PTPRT: variants seen among roughly 807,000 people sequenced by gnomAD.
The protein encoded by PTPRT is receptor-type tyrosine-protein phosphatase T.
In PTPRT, 56 loss-of-function variants were observed where a neutral mutation model predicts 176.8. That is an observed-to-expected ratio of 0.32 (90% CI 0.26 to 0.40). The LOEUF (loss-of-function observed/expected upper bound fraction) is 0.40. Ranked by LOEUF, PTPRT falls within the 10% of genes least tolerant of loss-of-function variation. PTPRT has a pLI of 1.00. For missense variants in PTPRT, 1,540 were observed against 1,908.2 expected (o/e 0.81, Z 3.60); for synonymous variants, 783 against 739.0 (o/e 1.06, Z -0.96).
intron 2 of PTPRT, among the ~76,000 whole-genome samples, chr20:42,844,196 A>T (rs2078328208): frequency 6.6e-6 from 1 of 152,236 alleles, no homozygotes; most frequent in South Asian, 2.1e-4. Flanking sequence ...ATGAAGTAGC[A>T]TTGGCGGTCA....
chr20:42,949,571 G>A (rs187828894), intron 1 of PTPRT, among the ~76,000 whole-genome samples: 8 of 152,316 alleles, frequency 5.3e-5, no homozygotes, highest in Non-Finnish European at 1.0e-4. Context: ...GAGCTGGCCA[G>A]CCATTTTTGC....
chr20:43,140,395 A>C (rs2013964222), intron 1 of PTPRT, among the ~76,000 whole-genome samples: 1 of 151,940 alleles, frequency 6.6e-6, no homozygotes, highest in South Asian at 2.1e-4. Context: ...TAAAATTCCT[A>C]GAAATAGAAC....
At chr20:42,204,009 T>C (rs1332919499) in intron 15 of PTPRT, among the ~76,000 whole-genome samples, 1 of 152,226 alleles carries the variant, frequency 6.6e-6, no homozygotes, top group Non-Finnish European at 1.5e-5. Flanking sequence ...AATAAACTTG[T>C]TGCACGAATT....
chr20:42,573,698 C>T (rs1358054122), intron 7 of PTPRT, among the ~76,000 whole-genome samples: 7 of 151,358 alleles, frequency 4.6e-5, no homozygotes, highest in South Asian at 2.1e-4. Flanking sequence ...GATACAACCC[C>T]GTTATCAGCA....
intron 7 of PTPRT, among the ~76,000 whole-genome samples, chr20:42,483,626 G>C (rs1568919854): frequency 6.6e-6 from 1 of 152,206 alleles, no homozygotes; most frequent in East Asian, 1.9e-4. Context: ...TATCCCATAG[G>C]TCCTCCAGTC....
chr20:43,119,360 A>T (rs189953080), intron 1 of PTPRT, among the ~76,000 whole-genome samples: 38 of 152,334 alleles, frequency 2.5e-4, no homozygotes, highest in Admixed American at 2.2e-3. Context: ...TCTGATAAGT[A>T]TGTCTTTAAA....
intron 22 of PTPRT, 61 bp downstream of exon 22, chr20:42,115,138 G>T: frequency 4.0e-6 from 5 of 1,243,794 alleles, no homozygotes; most frequent in Non-Finnish European, 4.7e-6. Context: ...ACATGTTCTG[G>T]ATGAACAAAC....
intron 6 of PTPRT, among the ~76,000 whole-genome samples, chr20:42,702,293 C>T (rs939602312): frequency 6.6e-5 from 10 of 152,086 alleles, no homozygotes; most frequent in African/African-American, 1.9e-4. Flanking sequence ...TGTTGTTGGG[C>T]CCAGAAGGTA....
intron 7 of PTPRT, among the ~76,000 whole-genome samples, chr20:42,631,599 C>T (rs940247706): frequency 6.6e-6 from 1 of 152,148 alleles, no homozygotes; most frequent in Non-Finnish European, 1.5e-5. Flanking sequence ...TGCTGGGGAG[C>T]TCTAAGGCTG....
At chr20:42,782,284 T>A (rs545801688) in intron 3 of PTPRT, among the ~76,000 whole-genome samples, 1 of 152,258 alleles carries the variant, frequency 6.6e-6, no homozygotes, top group East Asian at 1.9e-4. Context: ...TTTCACTGCA[T>A]ACACTCTCCC....
At chr20:42,037,056 G>A in the PTPRT span, among the ~76,000 whole-genome samples, 207 of 152,230 alleles carry the variant, frequency 1.4e-3, 1 homozygote, top group East Asian at 0.038. Context: ...CAGAAGAAAC[G>A]TCTTCTCCAT....
intron 1 of PTPRT, among the ~76,000 whole-genome samples, chr20:42,897,618 C>T (rs559138204): frequency 6.6e-6 from 1 of 152,288 alleles, no homozygotes; most frequent in East Asian, 1.9e-4. Context: ...AAGCAGCCCC[C>T]AGAAATGCCC....
chr20:42,818,276 A>T (rs77348196), intron 2 of PTPRT, among the ~76,000 whole-genome samples: 14,539 of 152,068 alleles, frequency 0.096, 735 homozygotes, highest in South Asian at 0.21. Flanking sequence ...CAGAAGCCCT[A>T]ATGAAGAGGG....
chr20:42,175,637 A>G (rs754301367), intron 16 of PTPRT, among the ~76,000 whole-genome samples: 1 of 151,904 alleles, frequency 6.6e-6, no homozygotes, highest in Non-Finnish European at 1.5e-5. Flanking sequence ...ATAAAATGGA[A>G]AACCTAAGAT....
At chr20:42,431,848 C>A (rs2059218122) in intron 9 of PTPRT, among the ~76,000 whole-genome samples, 1 of 152,186 alleles carries the variant, frequency 6.6e-6, no homozygotes, top group African/African-American at 2.4e-5. Context: ...ACTCTCTCAC[C>A]TCTGGCATCA....
intron 1 of PTPRT, among the ~76,000 whole-genome samples, chr20:43,011,868 T>C (rs1487747996): frequency 6.6e-6 from 1 of 152,192 alleles, no homozygotes; most frequent in East Asian, 1.9e-4. Context: ...AGGCAGAAGA[T>C]GGAAGGACTT....
At chr20:43,093,211 C>T (rs79980394) in intron 1 of PTPRT, among the ~76,000 whole-genome samples, 3,367 of 152,238 alleles carry the variant, frequency 0.022, 136 homozygotes, top group African/African-American at 0.076. Context: ...CCAGTTATGT[C>T]ACGTGCTTAT....
chr20:43,122,465 G>T (rs764454027), intron 1 of PTPRT, among the ~76,000 whole-genome samples: 1 of 152,168 alleles, frequency 6.6e-6, no homozygotes, highest in African/African-American at 2.4e-5. Context: ...TTGGGTGTTT[G>T]TCCCTTCCAA....
chr20:42,977,905 ATT>A (rs1430671331), intron 1 of PTPRT, among the ~76,000 whole-genome samples: 2 of 152,262 alleles, frequency 1.3e-5, no homozygotes, highest in African/African-American at 2.4e-5. Context: ...TGGGAATGGA[ATT>A]ATAATAGTCC....
Sources: allele counts gnomAD v4.1 joint callset (sites outside exome capture counted in the v4.1 genomes callset), GRCh38; gene constraint gnomAD v4.1.1; transcripts MANE v1.5; gene names NCBI Gene and HGNC (gene_info 2026-07-23, HGNC 2026-07-21).